Variants in PARD3 observed in about 807,000 individuals in gnomAD.
PARD3 encodes the protein partitioning defective 3 homolog.
A neutral mutation model predicts 155.4 loss-of-function variants in PARD3; 75 were observed. The ratio of observed to expected loss-of-function variants is 0.48; its 90% CI spans 0.40 to 0.58. The LOEUF (loss-of-function observed/expected upper bound fraction) is 0.58, where lower values mean the gene tolerates loss of function less well. PARD3 is among the 20% of genes least tolerant of loss of function. The pLI is 0.00. For synonymous variants in PARD3, 576 were observed against 610.5 expected (o/e 0.94, Z 0.83); for missense variants, 1,642 against 1,721.7 (o/e 0.95, Z 0.82).
chr10:34,542,616 T>C (rs1004733302), intron 2 of PARD3, among the ~76,000 whole-genome samples: 4 of 152,240 alleles, frequency 2.6e-5, no homozygotes, highest in South Asian at 2.1e-4. Context: ...TATATGTGCA[T>C]TGCCTTAAGC....
intron 2 of PARD3, among the ~76,000 whole-genome samples, chr10:34,648,647 G>A (rs781486660): frequency 1.2e-4 from 18 of 152,154 alleles, no homozygotes; most frequent in Non-Finnish European, 2.1e-4. Flanking sequence ...GACAGGCGGC[G>A]GAGCTCAGTC....
intron 4 of PARD3, among the ~76,000 whole-genome samples, chr10:34,456,231 C>A (rs1029868653): frequency 6.6e-6 from 1 of 152,106 alleles, no homozygotes; most frequent in Non-Finnish European, 1.5e-5. Context: ...ATTTTGAATG[C>A]CAAAAGACGT....
chr10:34,276,601 T>C (rs1255658297), intron 21 of PARD3, among the ~76,000 whole-genome samples: 3 of 152,224 alleles, frequency 2.0e-5, no homozygotes, highest in African/African-American at 7.2e-5. Flanking sequence ...AAGGAACTTT[T>C]TATGATCATA....
chr10:34,183,255 T>A (rs1005391724), intron 22 of PARD3, among the ~76,000 whole-genome samples: 2 of 152,166 alleles, frequency 1.3e-5, no homozygotes, highest in Non-Finnish European at 2.9e-5. Flanking sequence ...TGAGACAGGG[T>A]CTTGCTCTGT....
chr10:34,343,442 T>C (rs1837045203), intron 15 of PARD3: 2 of 980,922 alleles, frequency 2.0e-6, no homozygotes, highest in African/African-American at 1.7e-5. Flanking sequence ...ACTGTTGTGA[T>C]ACAATATTGT....
At chr10:34,287,169 A>G (rs1308137195) in intron 20 of PARD3, among the ~76,000 whole-genome samples, 1 of 152,168 alleles carries the variant, frequency 6.6e-6, no homozygotes, top group African/African-American at 2.4e-5. Flanking sequence ...TCATCCTGGA[A>G]GTTCTGCAAC....
At chr10:34,716,515 T>C (rs1241814767) in intron 1 of PARD3, among the ~76,000 whole-genome samples, 2 of 151,542 alleles carry the variant, frequency 1.3e-5, no homozygotes, top group Non-Finnish European at 2.9e-5. Flanking sequence ...GCAGAGTAGG[T>C]TGTGAAGCTT....
chr10:34,783,137 T>C (rs1840469177), intron 1 of PARD3, among the ~76,000 whole-genome samples: 1 of 152,138 alleles, frequency 6.6e-6, no homozygotes, highest in African/African-American at 2.4e-5. Context: ...GGACAATAGG[T>C]AAAAAGCATT....
intron 5 of PARD3, among the ~76,000 whole-genome samples, chr10:34,406,003 C>T (rs3905150): frequency 0.57 from 86,815 of 151,984 alleles, 26,625 homozygotes; most frequent in African/African-American, 0.82. Context: ...TATACATATA[C>T]AACCTCCTCC....
chr10:34,516,189 T>C (rs527705162), intron 3 of PARD3, among the ~76,000 whole-genome samples: 3 of 152,044 alleles, frequency 2.0e-5, no homozygotes, highest in Non-Finnish European at 2.9e-5. Context: ...GATCTCAAAC[T>C]CCTGACCTCA....
At position 34,410,974 on chromosome 10, in the gene PARD3, T is replaced by C. The variant is rs143982966; in HGVS notation, c.715-9057A>G. On this transcript the variant is annotated intron_variant, in intron 5 of 24. Transcript: ENST00000374788. ...GGAGTAAGGAGAACTGAACCAAATATGCTGATGCTTATGTTGCATGTTGTG... is the reference window on the plus strand; with the variant it reads ...GGAGTAAGGAGAACTGAACCAAATACGCTGATGCTTATGTTGCATGTTGTG... Among the ~76,000 whole-genome samples the C allele has an allele frequency of 2.9e-3, 445 of 152,206 alleles. 2 individuals are homozygous for C. The highest frequency in any genetic ancestry group is 0.01 in the African/African-American group (429 of 41,466).
intron 2 of PARD3, among the ~76,000 whole-genome samples, chr10:34,595,520 C>T (rs1225832999): frequency 6.6e-6 from 1 of 152,196 alleles, no homozygotes; most frequent in Non-Finnish European, 1.5e-5. Context: ...ACTACATTTT[C>T]TTATCCTAAC....
chr10:34,697,204 C>T (rs560211507), intron 1 of PARD3, among the ~76,000 whole-genome samples: 1 of 152,190 alleles, frequency 6.6e-6, no homozygotes, highest in East Asian at 1.9e-4. Flanking sequence ...GAAGAAGAAA[C>T]ATAGTTGTGT....
At chr10:34,166,813 G>A (rs776717759) in intron 22 of PARD3, among the ~76,000 whole-genome samples, 9 of 151,994 alleles carry the variant, frequency 5.9e-5, no homozygotes, top group Non-Finnish European at 1.0e-4. Flanking sequence ...CCAACTAAAC[G>A]AGAACCTTAA....
At chr10:34,718,866 G>A (rs921257500) in intron 1 of PARD3, among the ~76,000 whole-genome samples, 6 of 152,174 alleles carry the variant, frequency 3.9e-5, no homozygotes, top group Admixed American at 3.9e-4. Context: ...GGGAGGCAGA[G>A]GCAGGAGAAT....
intron 2 of PARD3, chr10:34,675,621 A>G (rs2093691187): frequency 6.3e-6 from 1 of 157,844 alleles, no homozygotes; most frequent in Non-Finnish European, 1.4e-5. Context: ...AATGTGAACC[A>G]AAGTTTTATT....
intron 2 of PARD3, among the ~76,000 whole-genome samples, chr10:34,587,383 A>G (rs1459074109): frequency 6.6e-6 from 1 of 152,200 alleles, no homozygotes. Flanking sequence ...TACAGGTGTC[A>G]GCCACCGTGC....
intron 3 of PARD3, among the ~76,000 whole-genome samples, chr10:34,473,510 G>A (rs1213732429): frequency 5.4e-5 from 8 of 147,760 alleles, no homozygotes; most frequent in African/African-American, 2.1e-4. Flanking sequence ...AACACAGTGA[G>A]ATCCTGTCTC....
chr10:34,228,335 C>T (rs1325522988), intron 22 of PARD3, among the ~76,000 whole-genome samples: 1 of 151,984 alleles, frequency 6.6e-6, no homozygotes, highest in African/African-American at 2.4e-5. Flanking sequence ...AATGTGTACA[C>T]CAAGCCCCCA....
Sources: allele counts gnomAD v4.1 joint callset (sites outside exome capture counted in the v4.1 genomes callset), GRCh38; gene constraint gnomAD v4.1.1; transcripts MANE v1.5; gene names NCBI Gene and HGNC (gene_info 2026-07-23, HGNC 2026-07-21).